Variants in ARHGAP26 observed in about 807,000 individuals in gnomAD.
ARHGAP26 encodes the protein Rho GTPase activating protein 26.
ARHGAP26 carries 38 observed loss-of-function variants against 104.8 expected under a neutral mutation model. The ratio of observed to expected loss-of-function variants is 0.36; its 90% CI spans 0.28 to 0.48. ARHGAP26 has a LOEUF of 0.48. Ranked by LOEUF, ARHGAP26 falls within the 20% of genes least tolerant of loss-of-function variation. ARHGAP26 has a pLI of 0.99. For missense variants in ARHGAP26, 704 were observed against 947.9 expected, an observed-to-expected ratio of 0.74 and a Z score of 3.38; for synonymous variants, 341 against 340.0, an observed-to-expected ratio of 1.00 and a Z score of -0.03.
chr5:142,839,071 C>G (rs1770196041), intron 1 of ARHGAP26, among the ~76,000 whole-genome samples: 2 of 152,228 alleles, frequency 1.3e-5, no homozygotes. Context: ...ACTCAAATCT[C>G]TGGAGTATAA....
chr5:143,096,546 C>A (rs914050094), intron 17 of ARHGAP26, among the ~76,000 whole-genome samples: 1 of 152,212 alleles, frequency 6.6e-6, no homozygotes, highest in Non-Finnish European at 1.5e-5. Flanking sequence ...CGCACAACTG[C>A]TTTCCCTCAA....
At chr5:143,145,839 G>A (rs1799090984) in intron 19 of ARHGAP26, among the ~76,000 whole-genome samples, 1 of 152,136 alleles carries the variant, frequency 6.6e-6, no homozygotes, top group African/African-American at 2.4e-5. Context: ...GATATCAGGG[G>A]TATTGGGGTG....
chr5:142,885,170 G>C, intron 4 of ARHGAP26, 128 bp from the exon 5 acceptor site: 1 of 709,704 alleles, frequency 1.4e-6, no homozygotes, highest in Non-Finnish European at 2.4e-6. Context: ...GATTTAATGG[G>C]CATTACCTGA....
intron 17 of ARHGAP26, among the ~76,000 whole-genome samples, chr5:143,061,057 G>T (rs1438728475): frequency 6.6e-6 from 1 of 152,124 alleles, no homozygotes; most frequent in African/African-American, 2.4e-5. Flanking sequence ...AAATGTTTTT[G>T]TTTTAAAATC....
chr5:143,023,142 A>G (rs1244897741), intron 12 of ARHGAP26, among the ~76,000 whole-genome samples: 1 of 152,244 alleles, frequency 6.6e-6, no homozygotes, highest in Non-Finnish European at 1.5e-5. Context: ...TGGCAACACA[A>G]CATAATGCTT....
At chr5:142,832,036 A>G (rs374058728) in intron 1 of ARHGAP26, among the ~76,000 whole-genome samples, 20 of 152,154 alleles carry the variant, frequency 1.3e-4, no homozygotes, top group East Asian at 1.2e-3. Context: ...CCTGTTGTCT[A>G]TTATGAAGAC....
At chr5:143,220,831 C>T (rs901515690) in intron 22 of ARHGAP26, among the ~76,000 whole-genome samples, 1 of 152,206 alleles carries the variant, frequency 6.6e-6, no homozygotes, top group Non-Finnish European at 1.5e-5. Flanking sequence ...TTCTGGAAGC[C>T]TCAAGGCTGA....
chr5:142,931,575 T>C (rs944096875), intron 10 of ARHGAP26, among the ~76,000 whole-genome samples: 1 of 152,222 alleles, frequency 6.6e-6, no homozygotes, highest in African/African-American at 2.4e-5. Context: ...TGAAGCAGTT[T>C]AGAAGCAGTG....
intron 11 of ARHGAP26, among the ~76,000 whole-genome samples, chr5:142,979,636 A>G (rs1416415285): frequency 3.9e-5 from 6 of 152,244 alleles, no homozygotes; most frequent in Admixed American, 2.6e-4. Context: ...TCCATACACA[A>G]TCAAGGAAAA....
intron 17 of ARHGAP26, 94 bp downstream of exon 17, chr5:143,057,841 T>C (rs769273558): frequency 9.7e-7 from 1 of 1,029,730 alleles, no homozygotes; most frequent in Non-Finnish European, 1.5e-6. Flanking sequence ...TGTTTCTCTC[T>C]CCCACTATTG....
In ARHGAP26 at chr5:143,054,420, T is replaced by G; in HGVS notation, c.1286-19T>G. 1.9e-6 allele frequency: 3 copies of G among 1,582,512 alleles called. No homozygotes were observed. The highest frequency in any genetic ancestry group is 2.6e-6 in the Non-Finnish European group (3 of 1,157,652). Reference sequence around the variant, plus strand: ...CCATTTTATGCTGTGCTTTATGTATTGTCTTTTCTTCATTTTAGACCCCAA... The same window carrying G: ...CCATTTTATGCTGTGCTTTATGTATGGTCTTTTCTTCATTTTAGACCCCAA... On this transcript the variant is annotated intron_variant, in intron 14 of 22. Coordinates refer to ENST00000645722, the MANE Select transcript of ARHGAP26 (RefSeq NM_001135608.3).
chr5:143,207,688 C>T (rs943278277), intron 21 of ARHGAP26, among the ~76,000 whole-genome samples: 1 of 152,374 alleles, frequency 6.6e-6, no homozygotes, highest in Middle Eastern at 3.4e-3. Flanking sequence ...GGGGAAGGAG[C>T]ACCTCCTGAA....
intron 10 of ARHGAP26, among the ~76,000 whole-genome samples, chr5:142,925,247 G>C (rs1325538106): frequency 6.6e-6 from 1 of 152,172 alleles, no homozygotes; most frequent in Non-Finnish European, 1.5e-5. Flanking sequence ...ACGAGTGACA[G>C]CTTTTTTGCT....
chr5:142,881,545 T>C (rs1277051358), intron 4 of ARHGAP26, among the ~76,000 whole-genome samples: 1 of 152,184 alleles, frequency 6.6e-6, no homozygotes, highest in East Asian at 1.9e-4. Context: ...TGAATAATTA[T>C]TGATTATTAA....
chr5:143,158,085 T>C (rs894438671), intron 20 of ARHGAP26, among the ~76,000 whole-genome samples: 5 of 152,232 alleles, frequency 3.3e-5, no homozygotes, highest in African/African-American at 1.2e-4. Flanking sequence ...TGGTTTCTAC[T>C]ATTATTTTTA....
intron 11 of ARHGAP26, among the ~76,000 whole-genome samples, chr5:143,012,576 T>TATATATATATATATA (rs1554195628): frequency 2.6e-3 from 148 of 56,884 alleles, no homozygotes; most frequent in Middle Eastern, 7.6e-3. Context: ...TATATATATA[T>TATATATATATATATA]TATGATCAGG....
chr5:142,858,044 A>G (rs189733323), intron 1 of ARHGAP26, among the ~76,000 whole-genome samples: 1 of 147,406 alleles, frequency 6.8e-6, no homozygotes, highest in East Asian at 2.0e-4. Flanking sequence ...AGAAGGAATG[A>G]GAGAGAGAGA....
chr5:143,145,851 A>C (rs903094080), intron 19 of ARHGAP26, among the ~76,000 whole-genome samples: 4 of 152,148 alleles, frequency 2.6e-5, no homozygotes, highest in Admixed American at 6.5e-5. Flanking sequence ...ATTGGGGTGA[A>C]TGTGTATGTA....
At chr5:143,163,648 A>G (rs1014163928) in intron 20 of ARHGAP26, among the ~76,000 whole-genome samples, 3 of 151,932 alleles carry the variant, frequency 2.0e-5, no homozygotes, top group African/African-American at 7.3e-5. Context: ...ACGGGGTTTC[A>G]CCATGTTGGC....
Sources: gnomAD v4.1 joint callset for allele counts (sites outside exome capture counted in the v4.1 genomes callset) on GRCh38, gnomAD v4.1.1 for gene constraint, MANE v1.5 for transcripts, NCBI Gene and HGNC (gene_info 2026-07-23, HGNC 2026-07-21) for gene names.